Variants in UBE2E3 observed in about 807,000 individuals in gnomAD.
The protein encoded by UBE2E3 is ubiquitin conjugating enzyme E2 E3.
A neutral mutation model predicts 23.6 loss-of-function variants in UBE2E3; 5 were observed. That is an observed-to-expected ratio of 0.21 (90% CI 0.11 to 0.44). UBE2E3 has a LOEUF of 0.44. Among genes scored for constraint, UBE2E3 ranks in the 20% least tolerant of loss-of-function variants. UBE2E3 has a pLI of 0.99. For missense variants in UBE2E3, 81 were observed against 249.8 expected, an observed-to-expected ratio of 0.32 and a Z score of 4.55; for synonymous variants, 78 against 87.5, an observed-to-expected ratio of 0.89 and a Z score of 0.60.
intron 3 of UBE2E3, among the ~76,000 whole-genome samples, chr2:181,006,219 A>C (rs562418947): frequency 1.3e-5 from 2 of 152,278 alleles, no homozygotes; most frequent in East Asian, 3.9e-4. Context: ...AGAATTGAGC[A>C]CAAATAGTAC....
chr2:180,989,919 C>T, intron 3 of UBE2E3: 1 of 1,549,542 alleles, frequency 6.5e-7, no homozygotes, highest in Non-Finnish European at 8.7e-7. Flanking sequence ...TAAGGACATT[C>T]AGATTGAGAA....
intron 3 of UBE2E3, among the ~76,000 whole-genome samples, chr2:181,048,069 C>T (rs949184463): frequency 2.0e-5 from 3 of 152,088 alleles, no homozygotes; most frequent in African/African-American, 7.2e-5. Flanking sequence ...TCTTTCCCAG[C>T]CCTTTCCTTT....
Position 181,059,866 on chromosome 2 carries a change from C to T in UBE2E3, c.379-799C>T, listed in dbSNP as rs180852207. Among the ~76,000 whole-genome samples, 16 of 151,692 alleles carry T rather than the reference C, an allele frequency of 1.1e-4. No homozygotes were observed. The East Asian group carries it at 1.8e-3, about 17-fold the overall frequency. ...GTTTTCCTCCCAGATTCAACTTTTG[C>T]GCTCACAGTACACTGCTAGTTTTCA... On this transcript the variant is annotated intron_variant, in intron 4 of 5. Transcript: ENST00000410062.
chr2:181,017,416 G>T (rs192051025), intron 3 of UBE2E3, among the ~76,000 whole-genome samples: 4 of 152,000 alleles, frequency 2.6e-5, no homozygotes, highest in East Asian at 1.9e-4. Flanking sequence ...GGGCATGAGG[G>T]GGGTGGAAAC....
chr2:181,007,244 G>T (rs1437648015), intron 3 of UBE2E3, among the ~76,000 whole-genome samples: 1 of 152,168 alleles, frequency 6.6e-6, no homozygotes, highest in Non-Finnish European at 1.5e-5. Context: ...GACCCTGCAG[G>T]TTTTCAGAAT....
intron 3 of UBE2E3, among the ~76,000 whole-genome samples, chr2:181,051,226 C>T (rs573719274): frequency 6.6e-6 from 1 of 151,862 alleles, no homozygotes; most frequent in South Asian, 2.1e-4. Context: ...TAACTTTTTT[C>T]ACTCAGCATT....
chr2:181,037,492 GTA>G (rs1686332880), intron 3 of UBE2E3, among the ~76,000 whole-genome samples: 1 of 152,000 alleles, frequency 6.6e-6, no homozygotes, highest in Admixed American at 6.6e-5. Context: ...AGGCTAATGT[GTA>G]TGTTTGTGTC....
intron 3 of UBE2E3, among the ~76,000 whole-genome samples, chr2:181,047,792 T>TGAG (rs10669416): frequency 0.04 from 6,032 of 152,200 alleles, 180 homozygotes; most frequent in African/African-American, 0.075. Context: ...CAGAGCAGCC[T>TGAG]GAGGAGGCCT....
chr2:181,021,209 T>G (rs561948517), intron 3 of UBE2E3, among the ~76,000 whole-genome samples: 5 of 152,294 alleles, frequency 3.3e-5, no homozygotes, highest in African/African-American at 9.6e-5. Flanking sequence ...ATGTTTTTGC[T>G]GACAAATAAG....
intron 3 of UBE2E3, among the ~76,000 whole-genome samples, chr2:181,014,738 T>TA (rs1194659639): frequency 9.8e-5 from 15 of 152,294 alleles, no homozygotes; most frequent in African/African-American, 3.6e-4. Context: ...TTGATATAGT[T>TA]ATACATGTTT....
intron 2 of UBE2E3, among the ~76,000 whole-genome samples, chr2:180,982,638 TAATGATCAGA>T (rs1229550413): frequency 5.3e-5 from 8 of 152,188 alleles, no homozygotes; most frequent in Non-Finnish European, 8.8e-5. Flanking sequence ...TCATGAAACT[TAATGATCAGA>T]AATGATCATA....
intron 3 of UBE2E3, among the ~76,000 whole-genome samples, chr2:181,057,468 A>T (rs985268547): frequency 6.6e-6 from 1 of 151,710 alleles, no homozygotes; most frequent in African/African-American, 2.4e-5. Flanking sequence ...AGTTATACCA[A>T]TTTTCTTTGT....
intron 3 of UBE2E3, among the ~76,000 whole-genome samples, chr2:181,039,397 C>G (rs760446224): frequency 7.2e-5 from 11 of 151,980 alleles, no homozygotes; most frequent in Non-Finnish European, 1.3e-4. Context: ...TGGGTGCAGA[C>G]GAGCATTCTG....
intron 3 of UBE2E3, among the ~76,000 whole-genome samples, chr2:181,041,267 T>C (rs1222502094): frequency 2.1e-5 from 3 of 142,762 alleles, no homozygotes; most frequent in African/African-American, 5.0e-5. Flanking sequence ...AGATTTTTTT[T>C]TTCTTCATAT....
chr2:180,989,994 C>G, intron 3 of UBE2E3: 2 of 1,529,262 alleles, frequency 1.3e-6, no homozygotes, highest in Non-Finnish European at 1.8e-6. Context: ...AATAAAATCA[C>G]TTGTAAATCT....
intron 3 of UBE2E3, among the ~76,000 whole-genome samples, chr2:181,014,670 A>T (rs183790059): frequency 6.6e-6 from 1 of 152,116 alleles, no homozygotes; most frequent in African/African-American, 2.4e-5. Flanking sequence ...ATCTTTATTG[A>T]TTGTTGTCTC....
intron 3 of UBE2E3, among the ~76,000 whole-genome samples, chr2:181,036,654 C>T (rs1325859254): frequency 6.6e-6 from 1 of 152,160 alleles, no homozygotes; most frequent in South Asian, 2.1e-4. Context: ...TGGTTCACAC[C>T]CTGTGCCCTG....
At chr2:181,009,249 G>A (rs556757595) in intron 3 of UBE2E3, among the ~76,000 whole-genome samples, 58 of 152,078 alleles carry the variant, frequency 3.8e-4, no homozygotes, top group African/African-American at 1.3e-3. Flanking sequence ...TAAGAGATTG[G>A]ACACATTATA....
At chr2:181,002,735 A>T (rs965582219) in intron 3 of UBE2E3, among the ~76,000 whole-genome samples, 44 of 152,230 alleles carry the variant, frequency 2.9e-4, no homozygotes, top group Admixed American at 2.9e-3. Flanking sequence ...AGGACTTAAA[A>T]TAGCCACAGG....
Sources: allele counts gnomAD v4.1 joint callset (sites outside exome capture counted in the v4.1 genomes callset), GRCh38; gene constraint gnomAD v4.1.1; transcripts MANE v1.5; gene names NCBI Gene and HGNC (gene_info 2026-07-23, HGNC 2026-07-21).